The following MRTFA variants were observed in gnomAD, a reference collection of about 807,000 sequenced individuals.
MRTFA encodes myocardin-related transcription factor A.
A neutral mutation model predicts 83.5 loss-of-function variants in MRTFA; 20 were observed. That is an observed-to-expected ratio of 0.24 (90% CI 0.17 to 0.35). The LOEUF is 0.35. Ranked by LOEUF, MRTFA falls within the 10% of genes least tolerant of loss-of-function variation. The probability of loss-of-function intolerance (pLI) is 1.00; values close to 1 mark genes in which losing one functional copy is unlikely to be tolerated. For synonymous variants in MRTFA, 659 were observed against 541.2 expected, an observed-to-expected ratio of 1.22 and a Z score of -3.02; for missense variants, 1,200 against 1,224.7, an observed-to-expected ratio of 0.98 and a Z score of 0.30.
intron 2 of MRTFA, chr22:40,586,831 C>T: frequency 2.5e-6 from 1 of 393,806 alleles, no homozygotes; most frequent in Admixed American, 3.0e-5. Flanking sequence ...TTCCTTTCTT[C>T]CCTACCACAG....
At position 40,424,156 on chromosome 22, in the gene MRTFA, G is replaced by A. The variant is rs202134057; in HGVS notation, c.777+50C>T. 517 of 1,518,224 alleles carry A rather than the reference G, an allele frequency of 3.4e-4. 1 individual carries two copies. In the African/African-American group the frequency reaches 4.1e-3, roughly 12 times the overall value. The allele number at this position is 1,518,224 out of a possible 1,614,324, so 94.0% of individuals were successfully genotyped here. On this transcript the variant is annotated intron_variant, in intron 8 of 14. Coordinates refer to ENST00000355630, the MANE Select transcript of MRTFA (RefSeq NM_020831.6). ...GCCCAGGAGAGAGACCTTACTCTGC[G>A]CAGCCCTAGCACCTTGGAGCTGGGG...
intron 3 of MRTFA, among the ~76,000 whole-genome samples, chr22:40,533,139 AAGAT>A (rs2055110382): frequency 6.6e-6 from 1 of 152,202 alleles, no homozygotes; most frequent in Non-Finnish European, 1.5e-5. Context: ...ACAGAACCAA[AAGAT>A]GGTACAGAAA....
At chr22:40,561,265 C>G (rs967650746) in intron 2 of MRTFA, among the ~76,000 whole-genome samples, 3 of 151,400 alleles carry the variant, frequency 2.0e-5, no homozygotes, top group Non-Finnish European at 4.4e-5. Flanking sequence ...TTCAAATCAA[C>G]TGAACAAGTG....
intron 4 of MRTFA, among the ~76,000 whole-genome samples, chr22:40,442,455 T>C (rs1208868231): frequency 6.6e-6 from 1 of 152,222 alleles, no homozygotes; most frequent in African/African-American, 2.4e-5. Context: ...GAGGGCTACA[T>C]GTGTGTATAG....
intron 1 of MRTFA, among the ~76,000 whole-genome samples, chr22:40,634,610 CA>C (rs1298461409): frequency 6.6e-6 from 1 of 152,236 alleles, no homozygotes; most frequent in Non-Finnish European, 1.5e-5. Context: ...GTGAGCTCCT[CA>C]TGAGCAGGGA....
At chr22:40,588,008 G>A (rs2056057553) in intron 2 of MRTFA, 1 of 204,026 alleles carries the variant, frequency 4.9e-6, no homozygotes, top group Non-Finnish European at 1.0e-5. Context: ...ATGGGAAGGT[G>A]AGAAGGCCAC....
chr22:40,574,823 G>T (rs1000033604), intron 2 of MRTFA, among the ~76,000 whole-genome samples: 2 of 152,078 alleles, frequency 1.3e-5, no homozygotes, highest in Admixed American at 1.3e-4. Flanking sequence ...TTTATATAAG[G>T]GACTTCAGCT....
At chr22:40,624,232 T>C (rs902215387) in intron 1 of MRTFA, among the ~76,000 whole-genome samples, 2 of 152,004 alleles carry the variant, frequency 1.3e-5, no homozygotes, top group African/African-American at 4.8e-5. Flanking sequence ...AAGATAAGCC[T>C]GGCCAACACA....
chr22:40,419,877 T>C (rs1281722638), intron 11 of MRTFA, among the ~76,000 whole-genome samples: 1 of 152,190 alleles, frequency 6.6e-6, no homozygotes, highest in Non-Finnish European at 1.5e-5. Flanking sequence ...GGAAGCCAAG[T>C]CTGTGGCCCT....
chr22:40,498,925 G>A (rs1602340664), intron 3 of MRTFA, among the ~76,000 whole-genome samples: 1 of 151,984 alleles, frequency 6.6e-6, no homozygotes, highest in South Asian at 2.1e-4. Context: ...AAATTTATAC[G>A]GTTTTAGGGT....
intron 1 of MRTFA, among the ~76,000 whole-genome samples, chr22:40,629,456 TA>T (rs80168340): frequency 0.11 from 11,708 of 109,632 alleles, 678 homozygotes; most frequent in East Asian, 0.28. Flanking sequence ...AAAACATAAT[TA>T]AAAAAAAAAA....
At chr22:40,514,050 G>C (rs1167131685) in intron 3 of MRTFA, among the ~76,000 whole-genome samples, 2 of 152,048 alleles carry the variant, frequency 1.3e-5, no homozygotes, top group Non-Finnish European at 2.9e-5. Flanking sequence ...GAGGTGAAGA[G>C]ATAGAGAACA....
chr22:40,411,950 C>G, intron 14 of MRTFA, 43 bp from the exon 15 acceptor site: 1 of 1,421,848 alleles, frequency 7.0e-7, no homozygotes, highest in Non-Finnish European at 9.2e-7. Flanking sequence ...AGAAGCCAAG[C>G]CTGTATATCT....
At chr22:40,607,855 A>G (rs1036283770) in intron 1 of MRTFA, among the ~76,000 whole-genome samples, 2 of 152,192 alleles carry the variant, frequency 1.3e-5, no homozygotes, top group African/African-American at 4.8e-5. Flanking sequence ...GCTTCAGAAA[A>G]ATTCTTTAAC....
At chr22:40,480,905 T>C (rs1027161173) in intron 3 of MRTFA, among the ~76,000 whole-genome samples, 2 of 151,936 alleles carry the variant, frequency 1.3e-5, no homozygotes, top group Non-Finnish European at 2.9e-5. Context: ...TGAGCCAACA[T>C]GCCCGGCCAG....
intron 3 of MRTFA, among the ~76,000 whole-genome samples, chr22:40,548,809 A>C: frequency 6.6e-6 from 1 of 152,038 alleles, no homozygotes; most frequent in East Asian, 1.9e-4. Flanking sequence ...GGTTGCAGTG[A>C]GTCAAGATCG....
At position 40,482,602 on chromosome 22, in the gene MRTFA, G is replaced by A. The variant is rs137860858; in HGVS notation, c.242-19316C>T. The stretch of plus-strand genomic sequence containing the variant: ...TGCTTCCTTTAGCACTTTTAGGTAG[G>A]GCCATCTGAACACTCCCTTCCAAAG... On this transcript the variant is annotated intron_variant, in intron 3 of 14. Transcript: ENST00000355630. 1.1e-3 allele frequency among the ~76,000 whole-genome samples: 164 copies of A among 152,186 alleles called. 3 individuals carry two copies. The highest frequency in any genetic ancestry group is 3.8e-3 in the African/African-American group (156 of 41,492).
chr22:40,513,602 CAAAA>C (rs111580647), intron 3 of MRTFA, among the ~76,000 whole-genome samples: 1 of 65,916 alleles, frequency 1.5e-5, no homozygotes, highest in African/African-American at 6.1e-5. Flanking sequence ...GACTCCATCT[CAAAA>C]AAAAAAAAAA....
chr22:40,589,825 A>G (rs1489621994), intron 2 of MRTFA, among the ~76,000 whole-genome samples: 2 of 152,034 alleles, frequency 1.3e-5, no homozygotes, highest in South Asian at 2.1e-4. Flanking sequence ...TCAGAAGTTC[A>G]AGACCAGCCT....
Sources: allele counts gnomAD v4.1 joint callset (sites outside exome capture counted in the v4.1 genomes callset), GRCh38; gene constraint gnomAD v4.1.1; transcripts MANE v1.5; gene names NCBI Gene and HGNC (gene_info 2026-07-23, HGNC 2026-07-21).